Variants in OSBPL3 observed in about 807,000 individuals in gnomAD.
The protein encoded by OSBPL3 is oxysterol-binding protein-related protein 3.
Under a neutral mutation model 120.1 loss-of-function variants are expected in OSBPL3, and 65 were observed. That is an observed-to-expected ratio of 0.54 (90% CI 0.44 to 0.67). The LOEUF (loss-of-function observed/expected upper bound fraction) is 0.67, where lower values mean the gene tolerates loss of function less well. Ranked by LOEUF, OSBPL3 falls within the 30% of genes least tolerant of loss-of-function variation. The probability of loss-of-function intolerance (pLI) is 0.00; values close to 1 mark genes in which losing one functional copy is unlikely to be tolerated. For missense variants in OSBPL3, 1,004 were observed against 1,082.1 expected (o/e 0.93, Z 1.01); for synonymous variants, 416 against 402.6 (o/e 1.03, Z -0.40).
At chr7:24,837,453 C>T (rs1797148407) in intron 14 of OSBPL3, among the ~76,000 whole-genome samples, 1 of 152,146 alleles carries the variant, frequency 6.6e-6, no homozygotes, top group Non-Finnish European at 1.5e-5. Flanking sequence ...ATCCTCCTGC[C>T]TCAGCCTCCC....
rs748687414 is a variant in OSBPL3 at position 24,972,748 on chromosome 7, A to G, written c.-150+7138T>C. Among the ~76,000 whole-genome samples, 1 of 152,192 alleles carries G rather than the reference A, an allele frequency of 6.6e-6. No individual in the cohort carries two copies. Among genetic ancestry groups the G allele is most frequent in the Non-Finnish European group, 1.5e-5 (1 of 68,036 alleles). On this transcript the variant is annotated intron_variant, in intron 1 of 22. Transcript: ENST00000313367. This position sits in a 1 kb window ranked among gnomAD's most constrained non-coding sequence, Gnocchi z 4.3. The stretch of plus-strand genomic sequence containing the variant: ...AATATACACACACATATATATACAT[A>G]TATGTAGATTAAAATATATATATTA...
chr7:24,876,274 T>A (rs1310139413), intron 2 of OSBPL3, among the ~76,000 whole-genome samples: 1 of 152,232 alleles, frequency 6.6e-6, no homozygotes, highest in Admixed American at 6.5e-5. Context: ...TTTCCAACGA[T>A]GTGAACTCTT....
Position 24,834,022 on chromosome 7 carries a change from C to A in OSBPL3, c.1746+464G>T, listed in dbSNP as rs769799008. On this transcript the variant is annotated intron_variant, in intron 15 of 22. Transcript: ENST00000313367. The surrounding 1 kb of genome is among the most constrained non-coding windows in gnomAD (Gnocchi z 5.2). ...ACCTCCTCTTGTGAACTTTATTTTC[C>A]AAAAACCTAGGAGCTGATGGGACAA... The A allele has an allele frequency of 2.4e-6, 2 of 846,708 alleles. No homozygotes were observed. Among genetic ancestry groups the A allele is most frequent in the South Asian group, 1.1e-4 (2 of 18,586 alleles). 52.4% of individuals were successfully genotyped at this position (846,708 alleles called of 1,614,324 possible).
chr7:24,848,601 C>T (rs1360101327), intron 12 of OSBPL3, among the ~76,000 whole-genome samples: 1 of 151,588 alleles, frequency 6.6e-6, no homozygotes, highest in East Asian at 1.9e-4. Context: ...TCAGAGTGTA[C>T]AGCCGCATTC....
chr7:24,857,871 T>C (rs1299602001), intron 10 of OSBPL3, among the ~76,000 whole-genome samples: 5 of 152,220 alleles, frequency 3.3e-5, no homozygotes, highest in Admixed American at 1.3e-4. Context: ...AAGGAGACCA[T>C]AGTCAGCAGT....
intron 1 of OSBPL3, among the ~76,000 whole-genome samples, chr7:24,962,369 AGAAAG>A (rs1286935961): frequency 2.3e-5 from 3 of 131,730 alleles, no homozygotes; most frequent in Non-Finnish European, 4.9e-5. Flanking sequence ...AAAAAGAAAA[AGAAAG>A]GAGAGGAGAG....
At chr7:24,908,302 C>T (rs1175535794) in intron 1 of OSBPL3, among the ~76,000 whole-genome samples, 7 of 152,144 alleles carry the variant, frequency 4.6e-5, no homozygotes, top group Non-Finnish European at 1.0e-4. Flanking sequence ...ATCGGCAAAA[C>T]AAGTCAAGAG....
rs1394045788 is a variant in OSBPL3 at position 24,830,447 on chromosome 7, A to G, written c.1884+321T>C. Among the ~76,000 whole-genome samples the G allele has an allele frequency of 6.6e-6, 1 of 152,210 alleles. No individual in the cohort carries two copies. The highest frequency in any genetic ancestry group is 1.5e-5 in the Non-Finnish European group (1 of 68,038). ...TAATGATGTCAGTGTGTTAGGGAGC[A>G]ATGTTAAACCTCTAAATTGAAGTTT... On this transcript the variant is annotated intron_variant, in intron 16 of 22. Coordinates refer to ENST00000313367, the MANE Select transcript of OSBPL3 (RefSeq NM_015550.4). The surrounding 1 kb of genome is among the most constrained non-coding windows in gnomAD (Gnocchi z 4.4).
chr7:24,974,761 T>C (rs1817395234), intron 1 of OSBPL3, among the ~76,000 whole-genome samples: 1 of 152,182 alleles, frequency 6.6e-6, no homozygotes, highest in Non-Finnish European at 1.5e-5. Context: ...CCACATACTA[T>C]ATGACTCCCC....
intron 1 of OSBPL3, among the ~76,000 whole-genome samples, chr7:24,901,475 C>A (rs1807027060): frequency 6.6e-6 from 1 of 152,226 alleles, no homozygotes; most frequent in Non-Finnish European, 1.5e-5. Context: ...TAAAAGTCAA[C>A]ACATATGTAC....
At chr7:24,810,913 T>C (rs916298582) in intron 19 of OSBPL3, among the ~76,000 whole-genome samples, 2 of 152,244 alleles carry the variant, frequency 1.3e-5, no homozygotes, top group African/African-American at 4.8e-5. Context: ...CACATTTTCT[T>C]TATCCATTCA....
At chr7:24,814,797 A>G (rs982562785) in intron 19 of OSBPL3, among the ~76,000 whole-genome samples, 1 of 152,200 alleles carries the variant, frequency 6.6e-6, no homozygotes, top group Non-Finnish European at 1.5e-5. Flanking sequence ...AGGTGCATAC[A>G]TACTGCAGCA....
rs148808137 is a variant in OSBPL3, at chr7:24,872,009, C to G, written c.157G>C (p.Val53Leu). 1.9e-6 allele frequency: 3 copies of G among 1,613,968 alleles called. No individual in the cohort carries two copies. Among genetic ancestry groups the G allele is most frequent in the Non-Finnish European group, 2.5e-6 (3 of 1,179,930 alleles). ...GEMNYTQEPP[V>L]QKGFLLKKRK... ...TTTTTCAGCAAAAATCCTTTCTGAA[C>G]TGGTGGCTCCTGGGTGTAATTCATC... The change falls in exon 3 of 23, where the codon GTT (valine) becomes CTT (leucine). Residue 53 changes from valine to leucine, a missense_variant. Around this residue, in one of 4 missense-constraint regions of OSBPL3, gnomAD observed 255 missense variants for 248.7 expected, o/e 1.03. Coordinates refer to ENST00000313367, the MANE Select transcript of OSBPL3 (RefSeq NM_015550.4). This position sits in a 1 kb window ranked among gnomAD's most constrained non-coding sequence, Gnocchi z 4.1.
Position 24,894,059 on chromosome 7 carries a change from A to G in OSBPL3, c.-149-1438T>C, listed in dbSNP as rs1805764337. 6.6e-6 allele frequency among the ~76,000 whole-genome samples: 1 copy of G among 152,190 alleles called. No homozygotes were observed. Among genetic ancestry groups the G allele is most frequent in the Non-Finnish European group, 1.5e-5 (1 of 68,042 alleles). On this transcript the variant is annotated intron_variant, in intron 1 of 22. Coordinates refer to ENST00000313367, the MANE Select transcript of OSBPL3 (RefSeq NM_015550.4). The surrounding 1 kb of genome is among the most constrained non-coding windows in gnomAD (Gnocchi z 4.1). Reference sequence around the variant, plus strand: ...GTCTAATTATAAAAAGAAGAGTATCATATATTTGTCTAGGAACCAGCTAGT... The same window carrying G: ...GTCTAATTATAAAAAGAAGAGTATCGTATATTTGTCTAGGAACCAGCTAGT...
chr7:24,914,014 A>G (rs1300120674), intron 1 of OSBPL3, among the ~76,000 whole-genome samples: 1 of 152,172 alleles, frequency 6.6e-6, no homozygotes, highest in East Asian at 1.9e-4. Flanking sequence ...GGTGTTGGCC[A>G]GAGGGTTGTT....
In OSBPL3 at chr7:24,896,829, TAGGAGGTGG is replaced by T. The variant is rs769372971; in HGVS notation, c.-149-4217_-149-4209del. Reference sequence around the variant, plus strand: ...GCTCATGCCTATAATCCCAGCAATTTAGGAGGTGGACGCGACTGGATTACTTGAGGTCAG... The same window carrying T: ...GCTCATGCCTATAATCCCAGCAATTTACGCGACTGGATTACTTGAGGTCAG... On this transcript the variant is annotated intron_variant, in intron 1 of 22. Coordinates refer to ENST00000313367, the MANE Select transcript of OSBPL3 (RefSeq NM_015550.4). This position sits in a 1 kb window ranked among gnomAD's most constrained non-coding sequence, Gnocchi z 4.4. 3.3e-5 allele frequency among the ~76,000 whole-genome samples: 5 copies of T among 152,104 alleles called. No homozygotes were observed. Among genetic ancestry groups the T allele is most frequent in the South Asian group, 4.1e-4 (2 of 4,822 alleles).
intron 6 of OSBPL3, among the ~76,000 whole-genome samples, 198 bp from the exon 7 acceptor site, chr7:24,865,663 T>C (rs1302410468): frequency 1.3e-5 from 2 of 152,228 alleles, no homozygotes; most frequent in East Asian, 3.8e-4. Context: ...CGACATGCCT[T>C]GAATGGTGGA....
chr7:24,810,325 A>T (rs1484380851), intron 19 of OSBPL3: 15 of 161,694 alleles, frequency 9.3e-5, no homozygotes, highest in Non-Finnish European at 9.4e-5. Flanking sequence ...GGAGTTCAAG[A>T]CCAGCCTGAC....
intron 6 of OSBPL3, 95 bp from the exon 7 acceptor site, chr7:24,865,560 T>C (rs41275967): frequency 0.04 from 47,954 of 1,197,046 alleles, 1,241 homozygotes; most frequent in Admixed American, 0.094. Flanking sequence ...TAGTCACTAA[T>C]GGACACCATC....
Sources: gnomAD v4.1 joint callset for allele counts (sites outside exome capture counted in the v4.1 genomes callset) on GRCh38, gnomAD v4.1.1 for gene constraint, gnomAD v4.1.1 regional missense constraint, Gnocchi (gnomAD v3.1) non-coding constraint, MANE v1.5 for transcripts, NCBI Gene and HGNC (gene_info 2026-07-23, HGNC 2026-07-21) for gene names.